Variants in RFX3 observed in about 807,000 individuals in gnomAD.
RFX3 encodes the protein regulatory factor X3.
RFX3 carries 14 observed loss-of-function variants against 98.6 expected under a neutral mutation model. The ratio of observed to expected loss-of-function variants is 0.14; its 90% CI spans 0.09 to 0.22. The LOEUF is 0.22. Ranked by LOEUF, RFX3 falls within the 10% of genes least tolerant of loss-of-function variation. The pLI is 1.00. For synonymous variants in RFX3, 383 were observed against 328.4 expected (o/e 1.17, Z -1.80); for missense variants, 639 against 926.9 (o/e 0.69, Z 4.03).
intron 4 of RFX3, among the ~76,000 whole-genome samples, chr9:3,317,534 T>C (rs980183653): frequency 4.6e-5 from 7 of 152,100 alleles, no homozygotes; most frequent in Non-Finnish European, 8.8e-5. Context: ...CTAATAAAAC[T>C]AAAGAGCTTC....
intron 1 of RFX3, among the ~76,000 whole-genome samples, chr9:3,490,872 T>C (rs1032620962): frequency 9.2e-5 from 14 of 152,254 alleles, no homozygotes; most frequent in Non-Finnish European, 2.1e-4. Context: ...AAGTTATTTT[T>C]AAACTAATGA....
chr9:3,231,798 T>C (rs1292597708), intron 15 of RFX3, among the ~76,000 whole-genome samples: 1 of 152,020 alleles, frequency 6.6e-6, no homozygotes. Flanking sequence ...GCATGGTGGC[T>C]CAAACCTATA....
chr9:3,271,192 C>T (rs555789942), intron 9 of RFX3, 74 bp from the exon 10 acceptor site: 15 of 1,286,474 alleles, frequency 1.2e-5, no homozygotes, highest in Admixed American at 1.7e-5. Flanking sequence ...TCTAACATGA[C>T]AAGATTTTAT....
intron 2 of RFX3, among the ~76,000 whole-genome samples, chr9:3,349,726 C>T (rs571089314): frequency 3.4e-4 from 52 of 152,112 alleles, no homozygotes; most frequent in South Asian, 1.9e-3. Flanking sequence ...ATACACACCT[C>T]ATTCTAAGAA....
intron 1 of RFX3, among the ~76,000 whole-genome samples, chr9:3,400,500 CTCATAGGTCTGA>C (rs1296803356): frequency 6.6e-6 from 1 of 152,184 alleles, no homozygotes; most frequent in East Asian, 1.9e-4. Context: ...CAAATTACTG[CTCATAGGTCTGA>C]TCTACTTGGC....
intron 4 of RFX3, among the ~76,000 whole-genome samples, chr9:3,316,955 A>G (rs1830684268): frequency 6.6e-6 from 1 of 152,222 alleles, no homozygotes; most frequent in African/African-American, 2.4e-5. Context: ...AAGGTAATTT[A>G]TAGATTCAAT....
chr9:3,270,847 G>A (rs1824335229), intron 10 of RFX3, 156 bp downstream of exon 10: 1 of 1,009,032 alleles, frequency 9.9e-7, no homozygotes, highest in Non-Finnish European at 1.5e-6. Flanking sequence ...AACCTCAAGA[G>A]AGCAGTTCAT....
At chr9:3,323,004 T>C (rs1032232553) in intron 4 of RFX3, among the ~76,000 whole-genome samples, 3 of 152,230 alleles carry the variant, frequency 2.0e-5, no homozygotes, top group African/African-American at 7.2e-5. Flanking sequence ...TTTAAGTGTA[T>C]GTGTAAAATT....
At chr9:3,239,679 T>C (rs967675194) in intron 15 of RFX3, among the ~76,000 whole-genome samples, 5 of 152,212 alleles carry the variant, frequency 3.3e-5, no homozygotes, top group African/African-American at 1.2e-4. Flanking sequence ...AACAGGAGCA[T>C]TTAACACCAC....
chr9:3,515,367 C>T lies in RFX3; in HGVS notation c.-9+10380G>A, dbSNP rs140937329. On this transcript the variant is annotated intron_variant, in intron 1 of 16. Transcript: ENST00000617270. The stretch of plus-strand genomic sequence containing the variant: ...CACTAACAAAATTAAACAGAATGCC[C>T]GTCTTCACAAAAATAGATGTATTCT... 6.4e-3 allele frequency among the ~76,000 whole-genome samples: 978 copies of T among 152,148 alleles called. 8 individuals carry two copies. The highest frequency in any genetic ancestry group is 0.017 in the Middle Eastern group (5 of 294).
Position 3,330,287 on chromosome 9 carries a change from G to A in RFX3, c.446C>T (p.Thr149Ile). 6.2e-7 allele frequency: 1 copy of A among 1,614,104 alleles called. No homozygotes were observed. Among genetic ancestry groups the A allele is most frequent in the Admixed American group, 1.7e-5 (1 of 59,990 alleles). The stretch of plus-strand genomic sequence containing the variant: ...CGCTGGGGAGGCCCGAGTTGTGTGT[G>A]TCACTGAGTGACCAGAATTCTCCAT... ...NSMENSGHSV[T>I]HTTRASPATI... The change falls in exon 4 of 17, where the codon ACA (threonine) becomes ATA (isoleucine). Residue 149 changes from threonine (T) to isoleucine (I), a missense_variant. Thr to Ile is a moderately conservative substitution (Grantham distance 89, BLOSUM62 -1). Transcript: ENST00000617270.
chr9:3,281,011 C>T (rs1825856022), intron 7 of RFX3, among the ~76,000 whole-genome samples: 1 of 151,656 alleles, frequency 6.6e-6, no homozygotes, highest in African/African-American at 2.4e-5. Context: ...AGGTAACATG[C>T]TTGATTTTAT....
intron 1 of RFX3, among the ~76,000 whole-genome samples, chr9:3,499,071 C>G (rs1851307772): frequency 6.6e-6 from 1 of 152,040 alleles, no homozygotes; most frequent in Non-Finnish European, 1.5e-5. Context: ...CACAAATATT[C>G]AAAATGTATC....
Position 3,500,724 on chromosome 9 carries a change from A to G in RFX3, c.-9+25023T>C, listed in dbSNP as rs145254398. ...AATCATTCAAACACACGCACTACAC[A>G]TACACACACACTAGTCAATAAAGTT... is the stretch of plus-strand genomic sequence containing the variant. On this transcript the variant is annotated intron_variant, in intron 1 of 16. Transcript: ENST00000617270. 2.6e-4 allele frequency among the ~76,000 whole-genome samples: 40 copies of G among 152,324 alleles called. 2 individuals carry two copies. The East Asian group carries it at 7.7e-3, about 29-fold the overall frequency.
rs546898277 is a variant in RFX3, at chr9:3,382,916, C to T, written c.117+12556G>A. Among the ~76,000 whole-genome samples, 4 of 152,190 alleles carry T rather than the reference C, an allele frequency of 2.6e-5. No individual in the cohort carries two copies. In the South Asian group the frequency reaches 6.2e-4, roughly 24 times the overall value. On this transcript the variant is annotated intron_variant, in intron 2 of 16. Coordinates refer to ENST00000617270, the MANE Select transcript of RFX3 (RefSeq NM_001282116.2). ...GCTTAGAATATATATGGCAAAGTTT[C>T]AGTTCTTATTTGTTTAAAGATAAAA...
At chr9:3,406,287 G>T (rs1564058405) in intron 1 of RFX3, among the ~76,000 whole-genome samples, 1 of 151,628 alleles carries the variant, frequency 6.6e-6, no homozygotes, top group Non-Finnish European at 1.5e-5. Flanking sequence ...TGAACAGGCA[G>T]TTTCTTCTGC....
At chr9:3,254,578 C>T (rs965800531) in intron 14 of RFX3, among the ~76,000 whole-genome samples, 6 of 151,672 alleles carry the variant, frequency 4.0e-5, no homozygotes, top group Non-Finnish European at 5.9e-5. Context: ...TGCTCTGTCG[C>T]CCAGGCTGGA....
intron 1 of RFX3, among the ~76,000 whole-genome samples, chr9:3,403,682 C>T (rs948596981): frequency 6.6e-6 from 1 of 152,024 alleles, no homozygotes; most frequent in East Asian, 1.9e-4. Flanking sequence ...GGACTAATTA[C>T]CAAAAACTAA....
At chr9:3,426,949 G>A (rs10971976) in intron 1 of RFX3, among the ~76,000 whole-genome samples, 13,343 of 151,846 alleles carry the variant, frequency 0.088, 605 homozygotes, top group East Asian at 0.11. Flanking sequence ...ACCGGTCCCT[G>A]GTGCCAAAAA....
Sources: gnomAD v4.1 joint callset for allele counts (sites outside exome capture counted in the v4.1 genomes callset) on GRCh38, gnomAD v4.1.1 for gene constraint, MANE v1.5 for transcripts, NCBI Gene and HGNC (gene_info 2026-07-23, HGNC 2026-07-21) for gene names.